Variants in CNTN5 observed in about 807,000 individuals in gnomAD.
CNTN5 encodes contactin 5.
In CNTN5, 77 loss-of-function variants were observed where a neutral mutation model predicts 129.1. The ratio of observed to expected loss-of-function variants is 0.60; its 90% confidence interval spans 0.50 to 0.72. CNTN5 has a LOEUF of 0.72. Among genes scored for constraint, CNTN5 ranks in the 30% least tolerant of loss-of-function variants. CNTN5 has a pLI of 0.00. For synonymous variants in CNTN5, 509 were observed against 465.6 expected, an observed-to-expected ratio of 1.09 and a Z score of -1.20; for missense variants, 1,478 against 1,328.8, an observed-to-expected ratio of 1.11 and a Z score of -1.75.
intron 15 of CNTN5, among the ~76,000 whole-genome samples, chr11:100,200,783 C>G (rs1948759703): frequency 6.6e-6 from 1 of 151,830 alleles, no homozygotes; most frequent in African/African-American, 2.4e-5. Flanking sequence ...ACTCCTTACT[C>G]CTTAGAATTT....
At position 99,439,464 on chromosome 11, in the gene CNTN5, T is replaced by G. The variant is rs557394161; in HGVS notation, c.-71+113980T>G. Among the ~76,000 whole-genome samples the G allele has an allele frequency of 3.9e-5, 6 of 152,006 alleles. No individual in the cohort carries two copies. The South Asian group carries it at 1.0e-3, about 26-fold the overall frequency. On this transcript the variant is annotated intron_variant, in intron 2 of 24. Coordinates refer to ENST00000524871, the MANE Select transcript of CNTN5 (RefSeq NM_014361.4). The stretch of plus-strand genomic sequence containing the variant: ...GGCTCACGCCTGTAATCCCAACACT[T>G]TGGGAGGCTGAGGTGGCCGGATCAC...
At chr11:99,467,251 T>C (rs1944981031) in intron 2 of CNTN5, among the ~76,000 whole-genome samples, 1 of 152,144 alleles carries the variant, frequency 6.6e-6, no homozygotes, top group Non-Finnish European at 1.5e-5. Flanking sequence ...TTTTGGGTCT[T>C]TCTTGGGAAC....
chr11:99,890,831 T>A (rs946698070), intron 6 of CNTN5, among the ~76,000 whole-genome samples: 5 of 152,080 alleles, frequency 3.3e-5, no homozygotes, highest in African/African-American at 1.2e-4. Flanking sequence ...AACATCAACA[T>A]GTCATGGTGA....
At chr11:99,514,099 A>C (rs1946950084) in intron 2 of CNTN5, among the ~76,000 whole-genome samples, 1 of 152,134 alleles carries the variant, frequency 6.6e-6, no homozygotes, top group Non-Finnish European at 1.5e-5. Context: ...ACCCTCATGG[A>C]TGAATTTTAG....
At chr11:99,976,434 C>T (rs1405277626) in intron 8 of CNTN5, among the ~76,000 whole-genome samples, 1 of 152,170 alleles carries the variant, frequency 6.6e-6, no homozygotes, top group Non-Finnish European at 1.5e-5. Context: ...TTGCATTGCC[C>T]AGTAGAGATG....
intron 13 of CNTN5, among the ~76,000 whole-genome samples, chr11:100,186,869 A>G (rs1016531338): frequency 2.0e-5 from 3 of 152,210 alleles, no homozygotes; most frequent in African/African-American, 7.2e-5. Context: ...CTAAGTAATT[A>G]CGTGTGCAAT....
chr11:99,559,328 T>C (rs1405475953), intron 3 of CNTN5, among the ~76,000 whole-genome samples: 1 of 152,080 alleles, frequency 6.6e-6, no homozygotes, highest in African/African-American at 2.4e-5. Context: ...ATTTATTCAG[T>C]TTTTGAAAAT....
intron 13 of CNTN5, among the ~76,000 whole-genome samples, chr11:100,142,709 T>C (rs1010104947): frequency 1.3e-5 from 2 of 152,166 alleles, no homozygotes; most frequent in African/African-American, 4.8e-5. Context: ...TGCTACTGTG[T>C]TTCTTGGTTA....
intron 1 of CNTN5, among the ~76,000 whole-genome samples, chr11:99,119,150 A>G (rs1343139887): frequency 6.6e-6 from 1 of 152,032 alleles, no homozygotes; most frequent in Non-Finnish European, 1.5e-5. Flanking sequence ...TTTATTTTTA[A>G]CACTTATTTT....
At chr11:99,514,262 AC>A (rs1394330238) in intron 2 of CNTN5, among the ~76,000 whole-genome samples, 1 of 152,112 alleles carries the variant, frequency 6.6e-6, no homozygotes, top group Non-Finnish European at 1.5e-5. Context: ...TGGATGAGTA[AC>A]AAAAGTAATT....
intron 13 of CNTN5, among the ~76,000 whole-genome samples, chr11:100,168,081 T>C (rs997944619): frequency 1.3e-5 from 2 of 151,680 alleles, no homozygotes; most frequent in Non-Finnish European, 2.9e-5. Flanking sequence ...TTGACAGAGG[T>C]GAGGAAGCTG....
In CNTN5 at chr11:100,145,426, G is replaced by T. The variant is rs529919671; in HGVS notation, c.1581-45700G>T. 3.3e-5 allele frequency among the ~76,000 whole-genome samples: 5 copies of T among 152,152 alleles called. No homozygotes were observed. The South Asian group carries it at 1.0e-3, about 32-fold the overall frequency. ...ATCTCTTGGCTCTGCAAATGATGATGCGTTTAAATTTCTGATGAGTGACTC... is the reference window on the plus strand; with the variant it reads ...ATCTCTTGGCTCTGCAAATGATGATTCGTTTAAATTTCTGATGAGTGACTC... On this transcript the variant is annotated intron_variant, in intron 13 of 24. Transcript: ENST00000524871.
chr11:99,935,680 A>G (rs920380789), intron 7 of CNTN5, among the ~76,000 whole-genome samples: 21 of 152,110 alleles, frequency 1.4e-4, no homozygotes, highest in African/African-American at 5.1e-4. Flanking sequence ...GAGAATCAGT[A>G]TTAAGTTTGT....
intron 2 of CNTN5, among the ~76,000 whole-genome samples, chr11:99,354,292 A>G (rs1447759247): frequency 1.3e-5 from 2 of 152,220 alleles, no homozygotes; most frequent in African/African-American, 4.8e-5. Context: ...TGTGAAATAT[A>G]GTGATATGCT....
intron 2 of CNTN5, among the ~76,000 whole-genome samples, chr11:99,346,702 T>C (rs1937904818): frequency 6.6e-6 from 1 of 152,204 alleles, no homozygotes; most frequent in Admixed American, 6.5e-5. Context: ...TATTTAGAGA[T>C]GTGACCTCTG....
intron 19 of CNTN5, among the ~76,000 whole-genome samples, chr11:100,297,959 A>T (rs1951131706): frequency 6.6e-6 from 1 of 151,508 alleles, no homozygotes; most frequent in Non-Finnish European, 1.5e-5. Flanking sequence ...CCTAATAAAC[A>T]GAATTGTGAC....
chr11:99,453,904 A>G (rs10893361), intron 2 of CNTN5, among the ~76,000 whole-genome samples: 26,483 of 152,214 alleles, frequency 0.17, 2,615 homozygotes, highest in Admixed American at 0.23. Flanking sequence ...GGGTTGCAGT[A>G]TAGAAATACT....
At chr11:99,923,088 T>A (rs144990300) in intron 7 of CNTN5, among the ~76,000 whole-genome samples, 1,727 of 152,296 alleles carry the variant, frequency 0.011, 132 homozygotes, top group Admixed American at 0.097. Context: ...CAGATCCATT[T>A]TCTTATTACC....
chr11:100,086,422 T>C (rs1161602329), intron 13 of CNTN5, among the ~76,000 whole-genome samples: 1 of 150,830 alleles, frequency 6.6e-6, no homozygotes, highest in Non-Finnish European at 1.5e-5. Context: ...AGTAAAAGCA[T>C]TGAAATAAGG....
Sources: allele counts gnomAD v4.1 joint callset (sites outside exome capture counted in the v4.1 genomes callset), GRCh38; gene constraint gnomAD v4.1.1; transcripts MANE v1.5; gene names NCBI Gene and HGNC (gene_info 2026-07-23, HGNC 2026-07-21).